The following CPA3 variants were observed in gnomAD, a reference collection of about 807,000 sequenced individuals.
CPA3 encodes mast cell carboxypeptidase A.
CPA3 carries 52 observed loss-of-function variants against 55.8 expected under a neutral mutation model. The observed-to-expected ratio is 0.93, with a 90% CI of 0.75 to 1.17. The LOEUF (loss-of-function observed/expected upper bound fraction) is 1.17. Among genes scored for constraint, CPA3 ranks in the 50% most tolerant of loss-of-function variants. The pLI is 0.00. For synonymous variants in CPA3, 179 were observed against 171.2 expected (o/e 1.05, Z -0.36); for missense variants, 547 against 509.1 (o/e 1.07, Z -0.72).
chr3:148,874,026 C>A (rs1458528073), intron 3 of CPA3, among the ~76,000 whole-genome samples: 1 of 152,126 alleles, frequency 6.6e-6, no homozygotes, highest in Non-Finnish European at 1.5e-5. Context: ...TTTGTTTATG[C>A]CTGGCTGCTG....
intron 10 of CPA3, among the ~76,000 whole-genome samples, chr3:148,887,410 C>A (rs1429565127): frequency 6.6e-6 from 1 of 152,146 alleles, no homozygotes; most frequent in Non-Finnish European, 1.5e-5. Context: ...TCACAACAAC[C>A]CTATGAGGTG....
chr3:148,867,472 G>A (rs1351513985), intron 2 of CPA3, among the ~76,000 whole-genome samples: 1 of 152,202 alleles, frequency 6.6e-6, no homozygotes, highest in African/African-American at 2.4e-5. Flanking sequence ...CTCTACAACT[G>A]TGGCACCCAG....
intron 3 of CPA3, among the ~76,000 whole-genome samples, chr3:148,877,218 G>A (rs1315515978): frequency 1.3e-5 from 2 of 152,142 alleles, no homozygotes; most frequent in African/African-American, 2.4e-5. Flanking sequence ...AGATGAGGCC[G>A]GGAGCAATGG....
chr3:148,895,839 T>C (rs1046804296), intron 10 of CPA3, among the ~76,000 whole-genome samples: 2 of 138,066 alleles, frequency 1.4e-5, no homozygotes, highest in Non-Finnish European at 3.3e-5. Flanking sequence ...TAAAGCAAAA[T>C]GTGAGCACAT....
At chr3:148,877,974 T>G (rs1295081716) in intron 3 of CPA3, among the ~76,000 whole-genome samples, 2 of 152,170 alleles carry the variant, frequency 1.3e-5, no homozygotes, top group Non-Finnish European at 2.9e-5. Context: ...ACGAGCCACA[T>G]GCATAATTTT....
In CPA3 at chr3:148,882,499, T is replaced by G; in HGVS notation, c.688-6T>G. Reference sequence around the variant, plus strand: ...GTGTAAACACTTACGTCATTCAATCTGGCAGAACCGCATGTGGAGAAAAAA... The same window carrying G: ...GTGTAAACACTTACGTCATTCAATCGGGCAGAACCGCATGTGGAGAAAAAA... On this transcript the variant is annotated splice_region_variant and splice_polypyrimidine_tract_variant and intron_variant, in intron 7 of 10. Coordinates refer to ENST00000296046, the MANE Select transcript of CPA3 (RefSeq NM_001870.4). 3 of 1,612,610 alleles carry G rather than the reference T, an allele frequency of 1.9e-6. No homozygotes were observed. The highest frequency in any genetic ancestry group is 2.5e-6 in the Non-Finnish European group (3 of 1,178,808).
intron 2 of CPA3, among the ~76,000 whole-genome samples, chr3:148,868,138 G>A (rs565935991): frequency 2.0e-5 from 3 of 152,140 alleles, no homozygotes; most frequent in Admixed American, 6.5e-5. Flanking sequence ...CAGGTGATCC[G>A]CACCTCAGCC....
At chr3:148,885,510 A>T (rs1714505857) in intron 9 of CPA3, among the ~76,000 whole-genome samples, 2 of 148,732 alleles carry the variant, frequency 1.3e-5, no homozygotes, top group Admixed American at 6.9e-5. Flanking sequence ...TCCCTGGTTC[A>T]AGCGATTCTC....
At chr3:148,872,268 C>T (rs1262836775) in intron 3 of CPA3, among the ~76,000 whole-genome samples, 1 of 152,168 alleles carries the variant, frequency 6.6e-6, no homozygotes, top group Non-Finnish European at 1.5e-5. Context: ...GCACGTCCAT[C>T]GGACTGAGCC....
intron 9 of CPA3, 117 bp downstream of exon 9, chr3:148,883,932 T>A: frequency 1.3e-6 from 1 of 746,904 alleles, no homozygotes; most frequent in Non-Finnish European, 2.2e-6. Flanking sequence ...AGAAAAGAAC[T>A]AATGAAATTT....
chr3:148,874,477 G>C (rs1022892034), intron 3 of CPA3, among the ~76,000 whole-genome samples: 3 of 152,084 alleles, frequency 2.0e-5, no homozygotes, highest in Admixed American at 2.0e-4. Flanking sequence ...ACCTTCCCGG[G>C]TTTTGTGTGA....
Position 148,865,335 on chromosome 3 carries a change from A to T in CPA3, c.28A>T (p.Ile10Phe). 6.2e-7 allele frequency: 1 copy of T among 1,614,060 alleles called. No homozygotes were observed. Among genetic ancestry groups the T allele is most frequent in the South Asian group, 1.1e-5 (1 of 91,082 alleles). The change falls in exon 1 of 11, where the codon ATT becomes TTT. Residue 10 changes from isoleucine to phenylalanine, a missense_variant. Ile to Phe is a conservative substitution (Grantham distance 21). Coordinates refer to ENST00000296046, the MANE Select transcript of CPA3 (RefSeq NM_001870.4). MRLILPVGL[I>F]ATTLAIAPVR... Reference sequence around the variant, plus strand: ...GAGGCTCATCCTGCCTGTGGGTTTGATTGCTACCACTCTTGCAATTGCTCC... The same window carrying T: ...GAGGCTCATCCTGCCTGTGGGTTTGTTTGCTACCACTCTTGCAATTGCTCC...
At chr3:148,866,175 C>T (rs1713895047) in intron 2 of CPA3, among the ~76,000 whole-genome samples, 1 of 152,150 alleles carries the variant, frequency 6.6e-6, no homozygotes, top group African/African-American at 2.4e-5. Context: ...AGCTAAAGTG[C>T]AAAGACAATA....
chr3:148,875,148 T>C (rs1457632523), intron 3 of CPA3, among the ~76,000 whole-genome samples: 1 of 152,130 alleles, frequency 6.6e-6, no homozygotes, highest in Non-Finnish European at 1.5e-5. Flanking sequence ...AGATTTATAG[T>C]GACGGAAAGA....
intron 6 of CPA3, among the ~76,000 whole-genome samples, chr3:148,880,913 A>G (rs1714346029): frequency 6.6e-6 from 1 of 152,150 alleles, no homozygotes; most frequent in Non-Finnish European, 1.5e-5. Context: ...TCACAGGTCT[A>G]CAAAAAATCT....
intron 2 of CPA3, 88 bp downstream of exon 2, chr3:148,865,636 C>A (rs1713881322): frequency 5.2e-6 from 6 of 1,152,792 alleles, no homozygotes; most frequent in Middle Eastern, 2.0e-4. Context: ...CATGGGACTA[C>A]AAAAGACTAT....
chr3:148,882,486 AC>A lies in CPA3; in HGVS notation c.688-18del, dbSNP rs1714398527. On this transcript the variant is annotated intron_variant, in intron 7 of 10. Coordinates refer to ENST00000296046, the MANE Select transcript of CPA3 (RefSeq NM_001870.4). ...GCAAACTGATCTTGTGTAAACACTT[AC>A]GTCATTCAATCTGGCAGAACCGCAT... The A allele has an allele frequency of 3.7e-6, 6 of 1,604,500 alleles. No individual in the cohort carries two copies. The East Asian group carries it at 1.3e-4, about 36-fold the overall frequency.
chr3:148,888,838 T>C (rs1438764608), intron 10 of CPA3, among the ~76,000 whole-genome samples: 4 of 152,158 alleles, frequency 2.6e-5, no homozygotes, highest in Non-Finnish European at 4.4e-5. Context: ...AACAAAAATA[T>C]ATGGTGTACC....
intron 2 of CPA3, among the ~76,000 whole-genome samples, chr3:148,867,189 C>A (rs1713926086): frequency 6.6e-6 from 1 of 152,222 alleles, no homozygotes; most frequent in African/African-American, 2.4e-5. Context: ...AAATCTCACC[C>A]ACCTTGGCCC....
Sources: gnomAD v4.1 joint callset for allele counts (sites outside exome capture counted in the v4.1 genomes callset) on GRCh38, gnomAD v4.1.1 for gene constraint, MANE v1.5 for transcripts, NCBI Gene and HGNC (gene_info 2026-07-23, HGNC 2026-07-21) for gene names.